KCNMA1: variants seen among roughly 807,000 people sequenced by gnomAD.
KCNMA1 encodes the protein Calcium-activated potassium channel subunit alpha-1.
Under a neutral mutation model 140.0 loss-of-function variants are expected in KCNMA1, and 29 were observed. That is an observed-to-expected ratio of 0.21 (90% CI 0.15 to 0.28). The LOEUF (loss-of-function observed/expected upper bound fraction) is 0.28, where lower values mean the gene tolerates loss of function less well. KCNMA1 is among the 10% of genes least tolerant of loss of function. KCNMA1 has a pLI of 1.00. For missense variants in KCNMA1, 880 were observed against 1,602.2 expected (o/e 0.55, Z 7.70); for synonymous variants, 612 against 611.9 (o/e 1.00, Z 0.00).
chr10:77,233,557 G>T (rs185849847), intron 3 of KCNMA1, among the ~76,000 whole-genome samples: 1 of 152,130 alleles, frequency 6.6e-6, no homozygotes, highest in Admixed American at 6.5e-5. Flanking sequence ...ACTGTTTATC[G>T]TGAATGCAGA....
intron 1 of KCNMA1, among the ~76,000 whole-genome samples, chr10:77,546,786 C>A (rs2061549683): frequency 6.6e-6 from 1 of 152,176 alleles, no homozygotes; most frequent in South Asian, 2.1e-4. Flanking sequence ...ATAACCCAGC[C>A]CCAAAGATGG....
At chr10:77,451,918 T>C (rs151083495) in intron 1 of KCNMA1, among the ~76,000 whole-genome samples, 3 of 152,284 alleles carry the variant, frequency 2.0e-5, no homozygotes, top group Non-Finnish European at 2.9e-5. Flanking sequence ...GCCTAACAAG[T>C]ATTTTCCTGT....
intron 17 of KCNMA1, among the ~76,000 whole-genome samples, chr10:77,014,192 C>A (rs1421505227): frequency 6.6e-6 from 1 of 152,092 alleles, no homozygotes; most frequent in Non-Finnish European, 1.5e-5. Flanking sequence ...CTTTGGGAGG[C>A]TGATGTGGAT....
At chr10:77,187,586 C>T (rs540430346) in intron 3 of KCNMA1, among the ~76,000 whole-genome samples, 9 of 152,304 alleles carry the variant, frequency 5.9e-5, no homozygotes, top group South Asian at 4.1e-4. Context: ...GCCGCTGGCG[C>T]GGGTGGCTTT....
At chr10:77,440,108 TC>T (rs1203593579) in intron 1 of KCNMA1, among the ~76,000 whole-genome samples, 6 of 151,932 alleles carry the variant, frequency 3.9e-5, no homozygotes, top group African/African-American at 1.5e-4. Flanking sequence ...CTTCCTATCC[TC>T]TCTGGGTCAG....
intron 1 of KCNMA1, among the ~76,000 whole-genome samples, chr10:77,468,630 G>C (rs542815890): frequency 7.9e-4 from 120 of 152,250 alleles, no homozygotes; most frequent in African/African-American, 2.7e-3. Context: ...TCACAACCCA[G>C]AGAAGGAACC....
intron 23 of KCNMA1, among the ~76,000 whole-genome samples, chr10:76,934,730 G>C (rs1371839429): frequency 1.3e-5 from 2 of 152,112 alleles, no homozygotes; most frequent in Admixed American, 6.5e-5. Context: ...AGGTGTCTTA[G>C]AGGGTCCATG....
intron 19 of KCNMA1, among the ~76,000 whole-genome samples, chr10:76,981,200 C>G (rs2079317173): frequency 6.6e-6 from 1 of 152,172 alleles, no homozygotes; most frequent in Non-Finnish European, 1.5e-5. Context: ...GAGCCGCTAA[C>G]CAACACTTAG....
At chr10:77,220,119 C>T (rs1297702385) in intron 3 of KCNMA1, among the ~76,000 whole-genome samples, 4 of 152,198 alleles carry the variant, frequency 2.6e-5, no homozygotes, top group Non-Finnish European at 5.9e-5. Flanking sequence ...ATCCTCATAA[C>T]ACCCTTTTTG....
intron 23 of KCNMA1, among the ~76,000 whole-genome samples, chr10:76,916,194 C>A (rs2052815232): frequency 6.6e-6 from 1 of 152,194 alleles, no homozygotes; most frequent in Non-Finnish European, 1.5e-5. Flanking sequence ...TGGCTGATCC[C>A]TTGAACTTCC....
downstream of KCNMA1, among the ~76,000 whole-genome samples, chr10:76,882,846 C>T (rs1376153900): frequency 2.6e-5 from 4 of 152,210 alleles, no homozygotes; most frequent in African/African-American, 9.6e-5. Context: ...CCCACAGCTA[C>T]TTCTTTATCA....
chr10:77,372,604 C>T (rs930641472), intron 2 of KCNMA1, among the ~76,000 whole-genome samples: 3 of 152,208 alleles, frequency 2.0e-5, no homozygotes, highest in African/African-American at 7.2e-5. Context: ...TTTGCCCACA[C>T]CTGTTTTTCC....
At chr10:77,082,788 G>A (rs942994296) in intron 12 of KCNMA1, among the ~76,000 whole-genome samples, 13 of 152,130 alleles carry the variant, frequency 8.5e-5, no homozygotes, top group Non-Finnish European at 1.6e-4. Context: ...AAGAGTTCAC[G>A]CATCCACTTC....
intron 2 of KCNMA1, among the ~76,000 whole-genome samples, chr10:77,290,041 G>C (rs1425550851): frequency 6.6e-6 from 1 of 152,194 alleles, no homozygotes; most frequent in Non-Finnish European, 1.5e-5. Context: ...GATGGAAGGA[G>C]GCGGTTCGAT....
At chr10:77,100,028 T>C (rs1007497011) in intron 9 of KCNMA1, among the ~76,000 whole-genome samples, 1 of 152,220 alleles carries the variant, frequency 6.6e-6, no homozygotes, top group African/African-American at 2.4e-5. Flanking sequence ...ACTTCCATGA[T>C]TTCAATGAAT....
chr10:77,461,653 C>T (rs918684050), intron 1 of KCNMA1, among the ~76,000 whole-genome samples: 2 of 152,164 alleles, frequency 1.3e-5, no homozygotes, highest in Non-Finnish European at 1.5e-5. Context: ...CCTCAGCACC[C>T]CTCCAGGCAG....
At chr10:77,111,830 C>G (rs2097332623) in intron 7 of KCNMA1, among the ~76,000 whole-genome samples, 1 of 152,198 alleles carries the variant, frequency 6.6e-6, no homozygotes, top group Admixed American at 6.5e-5. Context: ...GGGGGAAAGT[C>G]TGCCTTCGGG....
chr10:77,128,789 A>T (rs989223068), intron 5 of KCNMA1, among the ~76,000 whole-genome samples: 3 of 152,196 alleles, frequency 2.0e-5, no homozygotes, highest in Non-Finnish European at 4.4e-5. Flanking sequence ...AATTTTCTAC[A>T]CTTGCTTTGG....
chr10:77,116,983 C>T (rs192904596), intron 6 of KCNMA1, among the ~76,000 whole-genome samples: 103 of 152,170 alleles, frequency 6.8e-4, no homozygotes, highest in Non-Finnish European at 1.1e-3. Flanking sequence ...CTTGCAGTCT[C>T]CATATAGAAT....
Sources: gnomAD v4.1 joint callset for allele counts (sites outside exome capture counted in the v4.1 genomes callset) on GRCh38, gnomAD v4.1.1 for gene constraint, MANE v1.5 for transcripts, NCBI Gene and HGNC (gene_info 2026-07-23, HGNC 2026-07-21) for gene names.